CD2BP2: variants seen among roughly 807,000 people sequenced by gnomAD.
CD2BP2 encodes CD2 antigen cytoplasmic tail-binding protein 2.
Under a neutral mutation model 35.9 loss-of-function variants are expected in CD2BP2, and 27 were observed. The ratio of observed to expected loss-of-function variants is 0.75; its 90% CI spans 0.55 to 1.04. CD2BP2 has a LOEUF of 1.04. Among genes scored for constraint, CD2BP2 ranks in the 50% least tolerant of loss-of-function variants. The pLI, the probability that CD2BP2 is intolerant of heterozygous loss-of-function variation, is 0.00. For missense variants in CD2BP2, 497 were observed against 444.3 expected, an observed-to-expected ratio of 1.12 and a Z score of -1.07; for synonymous variants, 213 against 173.5, an observed-to-expected ratio of 1.23 and a Z score of -1.79.
rs1300058431 is a variant in CD2BP2, at chr16:30,354,184, C to A, written c.217G>T (p.Gly73Cys). 2 of 1,614,082 alleles carry A rather than the reference C, an allele frequency of 1.2e-6. No homozygotes were observed. The highest frequency in any genetic ancestry group is 1.7e-6 in the Non-Finnish European group (2 of 1,179,986). Residue 73 changes from glycine (G) to cysteine (C), a missense_variant and splice_region_variant, in exon 3 of 7, where the codon GGT becomes TGT. Transcript: ENST00000305596. Reference sequence around the variant, plus strand: ...GAGTGTATTCTTGGGTACAGCTTACCTTCTACATCCTCTGAGGCCAAGATG... The same window carrying A: ...GAGTGTATTCTTGGGTACAGCTTACATTCTACATCCTCTGAGGCCAAGATG... ...YDILASEDVEGQEAATLPSEG... is the reference protein window; with the variant it reads ...YDILASEDVECQEAATLPSEG...
rs2049514868 is a variant in CD2BP2, at chr16:30,354,312, G to A, written c.89C>T (p.Pro30Leu). 2.5e-6 allele frequency: 4 copies of A among 1,613,498 alleles called. No individual in the cohort carries two copies. The highest frequency in any genetic ancestry group is 1.3e-5 in the African/African-American group (1 of 74,826). The change falls in exon 3 of 7, where the codon CCT (proline) becomes CTT (leucine). Residue 30 changes from proline to leucine, a missense_variant. Transcript: ENST00000305596. ...IIVPKKKLVD[P>L]VAGSGGPGSR... is the part of the protein sequence containing the mutation. ...CCCAGGACCCCCTGACCCAGCCACA[G>A]GGTCCACCAGCTGTGAGCAGGAGCC...
chr16:30,354,371 C>T, intron 2 of CD2BP2, 49 bp from the exon 3 acceptor site: 9 of 1,581,632 alleles, frequency 5.7e-6, no homozygotes, highest in Non-Finnish European at 7.7e-6. Context: ...CTGGCTACCT[C>T]CCCAAATACT....
At chr16:30,353,870 G>T in intron 4 of CD2BP2, 31 bp downstream of exon 4, 1 of 1,611,976 alleles carries the variant, frequency 6.2e-7, no homozygotes. Flanking sequence ...GCCACTCCCA[G>T]GCCCCAGCCA....
chr16:30,354,397 A>G (rs2049515904), intron 2 of CD2BP2, 75 bp from the exon 3 acceptor site: 7 of 1,521,182 alleles, frequency 4.6e-6, no homozygotes, highest in Non-Finnish European at 6.2e-6. Flanking sequence ...ATCTGGACCC[A>G]AATATTCCCC....
At position 30,352,322 on chromosome 16, in the gene CD2BP2, C is replaced by T. The variant is rs115301199; in HGVS notation, c.*663G>A. The T allele has an allele frequency of 6.5e-6, 1 of 153,014 alleles. No individual in the cohort carries two copies. Among genetic ancestry groups the T allele is most frequent in the African/African-American group, 2.4e-5 (1 of 41,578 alleles). The allele number at this position is 153,014 out of a possible 1,614,324, so 9.5% of individuals were successfully genotyped here. A position where few individuals can be genotyped will look rare whatever the true frequency, so the allele number is the denominator to read the frequency against. On this transcript the variant is annotated 3_prime_UTR_variant, in exon 7 of 7. Coordinates refer to ENST00000305596, the MANE Select transcript of CD2BP2 (RefSeq NM_006110.3). ...AATGCACACTTGGCCCACACTTGGC[C>T]ACTGAGTTTGCACTTCACTGAAGGG...
Position 30,354,034 on chromosome 16 carries a change from C to T in CD2BP2, c.242G>A (p.Ser81Asn). The T allele has an allele frequency of 6.2e-7, 1 of 1,614,156 alleles. No homozygotes were observed. Among genetic ancestry groups the T allele is most frequent in the Non-Finnish European group, 8.5e-7 (1 of 1,180,024 alleles). The change falls in exon 4 of 7, where the codon AGC (serine) becomes AAC (asparagine). Residue 81 changes from serine to asparagine, a missense_variant. Coordinates refer to ENST00000305596, the MANE Select transcript of CD2BP2 (RefSeq NM_006110.3). ...VEGQEAATLP[S>N]EGGVRITPFN... is the part of the protein sequence containing the mutation. ...GGGTGTGATCCGAACACCCCCCTCG[C>T]TGGGGAGTGTGGCTGCCTCCTGACC...
chr16:30,352,883 G>T lies in CD2BP2; in HGVS notation c.*102C>A. ...AGGCTTTTATTGGGAAAGGGAAATT[G>T]ACTGAAAAATGGCCTCCAATTTCCT... On this transcript the variant is annotated 3_prime_UTR_variant, in exon 7 of 7. Coordinates refer to ENST00000305596, the MANE Select transcript of CD2BP2 (RefSeq NM_006110.3). The T allele has an allele frequency of 1.3e-6, 1 of 753,894 alleles. No homozygotes were observed. Among genetic ancestry groups the T allele is most frequent in the South Asian group, 1.5e-5 (1 of 65,316 alleles). 46.7% of individuals were successfully genotyped at this position (753,894 alleles called of 1,614,324 possible).
Position 30,355,238 on chromosome 16 carries a change from A to T in CD2BP2, c.-53T>A, listed in dbSNP as rs556559215. Reference sequence around the variant, plus strand: ...TGGGAATCCGCGGAAGGCGAGGTGGAAAAAAGAAGAGATGCTTGCGCCAGG... The same window carrying T: ...TGGGAATCCGCGGAAGGCGAGGTGGTAAAAAGAAGAGATGCTTGCGCCAGG... On this transcript the variant is annotated 5_prime_UTR_variant, in exon 1 of 7. Coordinates refer to ENST00000305596, the MANE Select transcript of CD2BP2 (RefSeq NM_006110.3). The T allele has an allele frequency of 2.6e-5, 4 of 152,542 alleles. No homozygotes were observed. Among genetic ancestry groups the T allele is most frequent in the African/African-American group, 9.6e-5 (4 of 41,454 alleles). The allele number at this position is 152,542 out of a possible 1,614,324, so 9.4% of individuals were successfully genotyped here. A position where few individuals can be genotyped will look rare whatever the true frequency, so the allele number is the denominator to read the frequency against.
At position 30,354,606 on chromosome 16, in the gene CD2BP2, T is replaced by C; in HGVS notation, c.76A>G (p.Lys26Glu). ...ACAAAGCAGTCTGGCCCCCTCACCT[T>C]CTTCTTGGGGACAATGATTTCATCC... is the stretch of plus-strand genomic sequence containing the variant. Reference protein sequence around the residue: ...DEDEIIVPKKKLVDPVAGSGG... With the variant: ...DEDEIIVPKKELVDPVAGSGG... Residue 26 changes from lysine to glutamate, a missense_variant and splice_region_variant, in exon 2 of 7, where the codon AAG becomes GAG. Lys to Glu is a moderately conservative substitution (Grantham distance 56). Coordinates refer to ENST00000305596, the MANE Select transcript of CD2BP2 (RefSeq NM_006110.3). The C allele has an allele frequency of 1.2e-6, 2 of 1,613,476 alleles. No individual in the cohort carries two copies. The highest frequency in any genetic ancestry group is 1.7e-6 in the Non-Finnish European group (2 of 1,179,648).
chr16:30,354,488 C>A, intron 2 of CD2BP2, 116 bp downstream of exon 2: 3 of 1,387,128 alleles, frequency 2.2e-6, no homozygotes, highest in East Asian at 2.3e-5. Flanking sequence ...CCTCAGAGAA[C>A]CTGAAAAAAC....
rs986281031 is a variant in CD2BP2, at chr16:30,354,842, G to A, written c.-26-135C>T. On this transcript the variant is annotated intron_variant, in intron 1 of 6. Coordinates refer to ENST00000305596, the MANE Select transcript of CD2BP2 (RefSeq NM_006110.3). ...GGGAGCACAAAAGCAGGGGCCGAAA[G>A]GAAGCTGGCAGCCAGGAGGCCTCCA... 33 of 699,746 alleles carry A rather than the reference G, an allele frequency of 4.7e-5. No individual in the cohort carries two copies. The East Asian group carries it at 7.4e-4, about 16-fold the overall frequency. The allele number at this position is 699,746 out of a possible 1,614,324, so 43.3% of individuals were successfully genotyped here. A position where few individuals can be genotyped will look rare whatever the true frequency, so the allele number is the denominator to read the frequency against.
rs898839169 is a variant in CD2BP2, at chr16:30,355,266, T to A, written c.-81A>T. The stretch of plus-strand genomic sequence containing the variant: ...AAAGAAGAGATGCTTGCGCCAGGGC[T>A]ACATCCGGGGCACCCGGCCGCCATC... On this transcript the variant is annotated 5_prime_UTR_variant, in exon 1 of 7. An upstream open reading frame in the 5' UTR loses its in-frame stop. Transcript: ENST00000305596. The A allele has an allele frequency of 5.2e-5, 8 of 152,454 alleles. No homozygotes were observed. Among genetic ancestry groups the A allele is most frequent in the Admixed American group, 4.6e-4 (7 of 15,288 alleles). The allele number at this position is 152,454 out of a possible 1,614,324, so 9.4% of individuals were successfully genotyped here. A position where few individuals can be genotyped will look rare whatever the true frequency, so the allele number is the denominator to read the frequency against.
Position 30,354,178 on chromosome 16 carries a change from G to C in CD2BP2, c.217+6C>G. On this transcript the variant is annotated splice_donor_region_variant and intron_variant, in intron 3 of 6. Transcript: ENST00000305596. The stretch of plus-strand genomic sequence containing the variant: ...CCAGCAGAGTGTATTCTTGGGTACA[G>C]CTTACCTTCTACATCCTCTGAGGCC... The C allele has an allele frequency of 6.2e-7, 1 of 1,614,034 alleles. No individual in the cohort carries two copies. Among genetic ancestry groups the C allele is most frequent in the Non-Finnish European group, 8.5e-7 (1 of 1,179,956 alleles).
Position 30,353,306 on chromosome 16 carries a change from C to G in CD2BP2, c.809-19G>C, listed in dbSNP as rs1242922924. The G allele has an allele frequency of 6.2e-7, 1 of 1,613,440 alleles. No homozygotes were observed. Among genetic ancestry groups the G allele is most frequent in the Non-Finnish European group, 8.5e-7 (1 of 1,179,460 alleles). On this transcript the variant is annotated intron_variant, in intron 5 of 6. Transcript: ENST00000305596. ...TCTGCTTCTAAAATAACAGGCAAAG[C>G]CATTTGGCCTCCAGTGTCTCACTTC...
chr16:30,353,886 GC>G lies in CD2BP2; in HGVS notation c.375+14del. 6.2e-7 allele frequency: 1 copy of G among 1,613,310 alleles called. No individual in the cohort carries two copies. Among genetic ancestry groups the G allele is most frequent in the Middle Eastern group, 1.7e-4 (1 of 6,058 alleles). ...CCACTCCCAGGCCCCAGCCACGCCAGCCCCTGGGCCGCACCCAGTCAATGTT... is the reference window on the plus strand; with the variant it reads ...CCACTCCCAGGCCCCAGCCACGCCAGCCCTGGGCCGCACCCAGTCAATGTT... On this transcript the variant is annotated intron_variant, in intron 4 of 6. Coordinates refer to ENST00000305596, the MANE Select transcript of CD2BP2 (RefSeq NM_006110.3).
chr16:30,353,128 G>A (rs1338803771), intron 6 of CD2BP2, 33 bp from the exon 7 acceptor site: 3 of 1,606,788 alleles, frequency 1.9e-6, no homozygotes, highest in Admixed American at 1.7e-5. Flanking sequence ...GGGAACAACT[G>A]ACAGGAGTGG....
rs773870541 is a variant in CD2BP2 at position 30,354,080 on chromosome 16, C to T, written c.218-22G>A. The T allele has an allele frequency of 1.3e-5, 21 of 1,613,448 alleles. No individual in the cohort carries two copies. The South Asian group carries it at 2.3e-4, about 18-fold the overall frequency. On this transcript the variant is annotated intron_variant, in intron 3 of 6. Transcript: ENST00000305596. ...TGACCTGCACCAAAGACACAGGTGC[C>T]CTTTTCCAGGCATGGAAAAAAGAGA...
chr16:30,353,144 G>A (rs374193569), intron 6 of CD2BP2, 37 bp downstream of exon 6: 49 of 1,606,712 alleles, frequency 3.0e-5, no homozygotes, highest in Non-Finnish European at 3.8e-5. Flanking sequence ...AGTGGGGGAA[G>A]CAGGGACAAG....
chr16:30,351,986 TG>T lies in CD2BP2; in HGVS notation c.*998del, dbSNP rs1223152010. 2 of 152,576 alleles carry T rather than the reference TG, an allele frequency of 1.3e-5. No homozygotes were observed. 9.5% of individuals were successfully genotyped at this position (152,576 alleles called of 1,614,324 possible). A position where few individuals can be genotyped will look rare whatever the true frequency, so the allele number is the denominator to read the frequency against. On this transcript the variant is annotated 3_prime_UTR_variant, in exon 7 of 7. Coordinates refer to ENST00000305596, the MANE Select transcript of CD2BP2 (RefSeq NM_006110.3). Reference sequence around the variant, plus strand: ...GTGGGGCAAGGGAGGCGTAAGGCAATGCTGGTGGGGCGTGGAGGTGGAGGGT... The same window carrying T: ...GTGGGGCAAGGGAGGCGTAAGGCAATCTGGTGGGGCGTGGAGGTGGAGGGT...
Sources: gnomAD v4.1 joint callset for allele counts on GRCh38, gnomAD v4.1.1 for gene constraint, MANE v1.5 for transcripts, NCBI Gene and HGNC (gene_info 2026-07-23, HGNC 2026-07-21) for gene names.